RCN3: variants seen among roughly 807,000 people sequenced by gnomAD.
RCN3 encodes the protein reticulocalbin 3, also known as reticulocalbin-3.
A neutral mutation model predicts 35.9 loss-of-function variants in RCN3; 41 were observed. The ratio of observed to expected loss-of-function variants is 1.14; its 90% confidence interval spans 0.89 to 1.48. RCN3 has a LOEUF of 1.48. Ranked by LOEUF, RCN3 falls within the 40% of genes most tolerant of loss-of-function variation. The pLI, the probability that RCN3 is intolerant of heterozygous loss-of-function variation, is 0.00. For synonymous variants in RCN3, 187 were observed against 193.4 expected, an observed-to-expected ratio of 0.97 and a Z score of 0.27; for missense variants, 451 against 471.3, an observed-to-expected ratio of 0.96 and a Z score of 0.40.
intron 4 of RCN3, among the ~76,000 whole-genome samples, chr19:49,538,160 T>C (rs948683375): frequency 7.0e-6 from 1 of 143,064 alleles, no homozygotes; most frequent in Non-Finnish European, 1.5e-5. Context: ...GTCTGGCTAA[T>C]GTTTTTTTTT....
chr19:49,541,825 T>C (rs111410736), intron 5 of RCN3, among the ~76,000 whole-genome samples: 15,477 of 142,524 alleles, frequency 0.11, 1,015 homozygotes, highest in African/African-American at 0.2. Flanking sequence ...ACTAAAAATA[T>C]AAAAATTAGC....
intron 2 of RCN3, among the ~76,000 whole-genome samples, chr19:49,530,271 T>C (rs956419311): frequency 6.6e-6 from 1 of 151,060 alleles, no homozygotes; most frequent in Non-Finnish European, 1.5e-5. Context: ...GCAATTCTCC[T>C]GCCTCAGCCT....
chr19:49,537,364 G>A (rs1458964385), intron 4 of RCN3, among the ~76,000 whole-genome samples, 159 bp downstream of exon 4: 1 of 152,084 alleles, frequency 6.6e-6, no homozygotes, highest in East Asian at 1.9e-4. Context: ...TCAGAGGACG[G>A]TGACCTTTCC....
In RCN3 at chr19:49,542,550, C is replaced by T. The variant is rs1389213881; in HGVS notation, c.680-3C>T. On this transcript the variant is annotated splice_region_variant and splice_polypyrimidine_tract_variant and intron_variant, in intron 5 of 6. Transcript: ENST00000270645. ...ACCTTGTCCCCTCTGTCCCGGCCCC[C>T]AGCGGATCTGTACTCAGCCGAGCCT... The T allele has an allele frequency of 1.3e-6, 2 of 1,586,368 alleles. No homozygotes were observed. The highest frequency in any genetic ancestry group is 1.2e-5 in the South Asian group (1 of 86,918).
In RCN3 at chr19:49,535,486, A is replaced by T. The variant is rs533437466; in HGVS notation, c.445+1091A>T. ...CTGTATGTGCTTTTTTGTGATGATTAAATGCAATATTGTGCATAAAGAGCT... is the reference window on the plus strand; with the variant it reads ...CTGTATGTGCTTTTTTGTGATGATTTAATGCAATATTGTGCATAAAGAGCT... On this transcript the variant is annotated intron_variant, in intron 3 of 6. Transcript: ENST00000270645. 2.6e-5 allele frequency among the ~76,000 whole-genome samples: 4 copies of T among 152,372 alleles called. No homozygotes were observed. In the South Asian group the frequency reaches 8.3e-4, roughly 32 times the overall value.
chr19:49,534,442 A>C (rs768779848), intron 3 of RCN3, 47 bp downstream of exon 3: 1 of 1,518,880 alleles, frequency 6.6e-7, no homozygotes, highest in South Asian at 1.2e-5. Flanking sequence ...CGTGACCCTG[A>C]CCTTCTGGAC....
rs563894589 is a variant in RCN3 at position 49,541,243 on chromosome 19, A to T, written c.680-1310A>T. On this transcript the variant is annotated intron_variant, in intron 5 of 6. Transcript: ENST00000270645. ...CCGCACCCAGCCTATCTTCTCAATT[A>T]CTTCATCCCATTAAGACTTCATCTT... Among the ~76,000 whole-genome samples the T allele has an allele frequency of 3.0e-4, 46 of 152,010 alleles. 1 individual carries two copies. The highest frequency in any genetic ancestry group is 5.6e-4 in the Non-Finnish European group (38 of 67,976).
Position 49,543,181 on chromosome 19 carries a change from G to C in RCN3, c.955G>C (p.Glu319Gln), listed in dbSNP as rs139927137. The part of the protein sequence containing the change: ...FVGSQATNYG[E>Q]DLTRHHDEL ...GGGCAGTCAGGCCACCAACTATGGC[G>C]AGGACCTGACCCGGCACCACGATGA... The change falls in exon 7 of 7, where the codon GAG (glutamate) becomes CAG (glutamine). Residue 319 changes from glutamate to glutamine, a missense_variant. Transcript: ENST00000270645. The C allele has an allele frequency of 8.7e-6, 14 of 1,613,836 alleles. No individual in the cohort carries two copies. Among genetic ancestry groups the C allele is most frequent in the Non-Finnish European group, 1.2e-5 (14 of 1,179,932 alleles).
chr19:49,543,244 C>A lies in RCN3; in HGVS notation c.*31C>A. The A allele has an allele frequency of 6.4e-7, 1 of 1,562,586 alleles. No individual in the cohort carries two copies. The highest frequency in any genetic ancestry group is 1.1e-5 in the South Asian group (1 of 89,364). ...GCGCACCTGCCACAGCCTCAGAGGC[C>A]CGCACAATGACCGGAGGAGGGGCCG... is the stretch of plus-strand genomic sequence containing the variant. On this transcript the variant is annotated 3_prime_UTR_variant, in exon 7 of 7. Transcript: ENST00000270645.
intron 3 of RCN3, among the ~76,000 whole-genome samples, chr19:49,536,033 C>G (rs1320227446): frequency 1.3e-5 from 2 of 148,440 alleles, no homozygotes; most frequent in African/African-American, 4.9e-5. Flanking sequence ...GTTGCCCAGG[C>G]TGGAGTGCAG....
At chr19:49,542,213 G>T (rs1299936011) in intron 5 of RCN3, among the ~76,000 whole-genome samples, 3 of 152,064 alleles carry the variant, frequency 2.0e-5, no homozygotes, top group Non-Finnish European at 4.4e-5. Flanking sequence ...CTGCTAACTG[G>T]CCAGAAACAT....
In RCN3 at chr19:49,534,041, G is replaced by A. The variant is rs1014620529; in HGVS notation, c.243-152G>A. On this transcript the variant is annotated intron_variant, in intron 2 of 6. Coordinates refer to ENST00000270645, the MANE Select transcript of RCN3 (RefSeq NM_020650.3). ...AGGGTCCTCCGGTGGGCTTGGTCCC[G>A]AAATTGACCCGCGCCCCTCCCCAGT... is the stretch of plus-strand genomic sequence containing the variant. The A allele has an allele frequency of 2.9e-5, 23 of 798,296 alleles. 1 individual carries two copies. Among genetic ancestry groups the A allele is most frequent in the African/African-American group, 2.6e-4 (14 of 53,754 alleles). The allele number at this position is 798,296 out of a possible 1,614,324, so 49.5% of individuals were successfully genotyped here.
At chr19:49,529,021 A>C (rs1330973287) in intron 2 of RCN3, among the ~76,000 whole-genome samples, 1 of 152,020 alleles carries the variant, frequency 6.6e-6, no homozygotes, top group Non-Finnish European at 1.5e-5. Flanking sequence ...GTCTCTACTA[A>C]AAATACAAAA....
intron 2 of RCN3, among the ~76,000 whole-genome samples, chr19:49,530,269 C>A (rs2080101999): frequency 1.3e-5 from 2 of 151,342 alleles, no homozygotes; most frequent in South Asian, 4.2e-4. Context: ...AAGCAATTCT[C>A]CTGCCTCAGC....
At chr19:49,529,738 A>ATTTT (rs1463620669) in intron 2 of RCN3, among the ~76,000 whole-genome samples, 1 of 146,038 alleles carries the variant, frequency 6.8e-6, no homozygotes, top group African/African-American at 2.6e-5. Context: ...GGGAGTTGCA[A>ATTTT]TTTTTATTTA....
intron 4 of RCN3, 98 bp downstream of exon 4, chr19:49,537,303 GT>G: frequency 8.3e-7 from 1 of 1,210,176 alleles, no homozygotes; most frequent in Non-Finnish European, 1.1e-6. Flanking sequence ...GGGGCAGGCA[GT>G]CACCTGGTTC....
At chr19:49,536,554 G>T (rs1037294181) in intron 3 of RCN3, among the ~76,000 whole-genome samples, 11 of 151,098 alleles carry the variant, frequency 7.3e-5, no homozygotes, top group African/African-American at 2.7e-4. Context: ...ACCCACCTCG[G>T]CCTCCCAAAG....
chr19:49,534,170 C>T (rs1401992961), intron 2 of RCN3, 23 bp from the exon 3 acceptor site: 2 of 1,475,594 alleles, frequency 1.4e-6, no homozygotes, highest in East Asian at 2.7e-5. Flanking sequence ...CAGAGCCTGA[C>T]GTGTGCCCGC....
intron 6 of RCN3, 75 bp from the exon 7 acceptor site, chr19:49,543,031 G>C (rs2080171022): frequency 2.4e-6 from 3 of 1,241,172 alleles, no homozygotes; most frequent in Admixed American, 3.5e-5. Context: ...GAGACTTCGG[G>C]ACACGCTTGG....
Sources: allele counts gnomAD v4.1 joint callset (sites outside exome capture counted in the v4.1 genomes callset), GRCh38; gene constraint gnomAD v4.1.1; transcripts MANE v1.5; gene names NCBI Gene and HGNC (gene_info 2026-07-23, HGNC 2026-07-21).